The following POFUT3 variants were observed in gnomAD, a reference collection of about 807,000 sequenced individuals.
The protein encoded by POFUT3 is protein O-fucosyltransferase 3, also known as GDP-fucose protein O-fucosyltransferase 3.
chr8:33,409,328 C>A, the POFUT3 span, among the ~76,000 whole-genome samples: 1 of 152,080 alleles, frequency 6.6e-6, no homozygotes, highest in Non-Finnish European at 1.5e-5. Flanking sequence ...GTCTCGAACC[C>A]CTGACCTCAC....
the POFUT3 span, among the ~76,000 whole-genome samples, chr8:33,412,323 C>T: frequency 1.3e-5 from 2 of 152,124 alleles, no homozygotes; most frequent in Non-Finnish European, 2.9e-5. Flanking sequence ...CAGAAAAAGG[C>T]CTCCAAGACA....
chr8:33,461,447 C>T, the POFUT3 span: 10 of 1,613,672 alleles, frequency 6.2e-6, no homozygotes, highest in South Asian at 2.2e-5. Context: ...TCTGAATCCG[C>T]ACCATGCTGC....
chr8:33,444,447 G>T, the POFUT3 span, among the ~76,000 whole-genome samples: 1 of 152,050 alleles, frequency 6.6e-6, no homozygotes, highest in Non-Finnish European at 1.5e-5. Context: ...AAGGACTAGG[G>T]ACTTGAATGA....
At chr8:33,324,322 C>T in the POFUT3 span, among the ~76,000 whole-genome samples, 1 of 152,188 alleles carries the variant, frequency 6.6e-6, no homozygotes, top group Non-Finnish European at 1.5e-5. Flanking sequence ...CTCTTCCCCT[C>T]TCTGTCCTTT....
the POFUT3 span, among the ~76,000 whole-genome samples, chr8:33,459,741 T>G: frequency 6.6e-6 from 1 of 152,064 alleles, no homozygotes; most frequent in Non-Finnish European, 1.5e-5. Context: ...TTACTATCAC[T>G]GCCCAATTTT....
chr8:33,375,442 G>A, the POFUT3 span, among the ~76,000 whole-genome samples: 1 of 152,124 alleles, frequency 6.6e-6, no homozygotes. Context: ...CAGAGGCTCC[G>A]GGAGAGATCC....
chr8:33,412,840 CT>C, the POFUT3 span, among the ~76,000 whole-genome samples: 1 of 152,174 alleles, frequency 6.6e-6, no homozygotes, highest in Non-Finnish European at 1.5e-5. Context: ...TTTGGCCAGG[CT>C]GGTCTCAAAC....
chr8:33,422,143 T>A, the POFUT3 span, among the ~76,000 whole-genome samples: 382 of 152,018 alleles, frequency 2.5e-3, 9 homozygotes, highest in Admixed American at 0.024. Flanking sequence ...TAAAATCACA[T>A]ATTTCTCCCT....
the POFUT3 span, among the ~76,000 whole-genome samples, chr8:33,432,601 A>G: frequency 6.6e-6 from 1 of 152,264 alleles, no homozygotes; most frequent in East Asian, 1.9e-4. Context: ...CTAGTATTAG[A>G]GCTGGATCTC....
the POFUT3 span, among the ~76,000 whole-genome samples, chr8:33,319,401 A>T: frequency 0.088 from 2,976 of 33,644 alleles, 402 homozygotes; most frequent in East Asian, 0.4. Context: ...TTTTATATAT[A>T]GTATATATTA....
At chr8:33,431,116 C>T in the POFUT3 span, among the ~76,000 whole-genome samples, 1 of 152,094 alleles carries the variant, frequency 6.6e-6, no homozygotes, top group Non-Finnish European at 1.5e-5. Flanking sequence ...TGGATCCATG[C>T]TTTTGCTCAG....
the POFUT3 span, chr8:33,389,501 G>C: frequency 6.2e-7 from 1 of 1,614,204 alleles, no homozygotes; most frequent in South Asian, 1.1e-5. Context: ...GTCCCTGTCT[G>C]ATGGTGGGTC....
the POFUT3 span, chr8:33,472,969 G>A: frequency 6.6e-6 from 1 of 152,606 alleles, no homozygotes; most frequent in South Asian, 2.1e-4. Context: ...CAGCTTCCGT[G>A]GGACCAGAAA....
the POFUT3 span, among the ~76,000 whole-genome samples, chr8:33,431,112 C>T: frequency 6.6e-6 from 1 of 152,118 alleles, no homozygotes; most frequent in Non-Finnish European, 1.5e-5. Flanking sequence ...CTCCTGGATC[C>T]ATGCTTTTGC....
At chr8:33,429,995 CAAAAAAAA>C in the POFUT3 span, among the ~76,000 whole-genome samples, 1 of 124,774 alleles carries the variant, frequency 8.0e-6, no homozygotes. Flanking sequence ...GACTCCATCT[CAAAAAAAA>C]AAAAAAAAAG....
At chr8:33,421,860 G>C in the POFUT3 span, among the ~76,000 whole-genome samples, 2 of 152,010 alleles carry the variant, frequency 1.3e-5, no homozygotes, top group Non-Finnish European at 2.9e-5. Flanking sequence ...ACAGATTATA[G>C]AATCTAAATC....
chr8:33,461,344 A>G, the POFUT3 span: 2 of 1,582,604 alleles, frequency 1.3e-6, no homozygotes, highest in Admixed American at 3.5e-5. Flanking sequence ...CCCAGCTATC[A>G]ACACTACACA....
chr8:33,321,973 A>G, the POFUT3 span, among the ~76,000 whole-genome samples: 4 of 152,108 alleles, frequency 2.6e-5, no homozygotes, highest in Non-Finnish European at 5.9e-5. Context: ...AGTTGCTGCA[A>G]TGAGTATATG....
chr8:33,353,218 G>T, the POFUT3 span, among the ~76,000 whole-genome samples: 1 of 152,128 alleles, frequency 6.6e-6, no homozygotes, highest in Non-Finnish European at 1.5e-5. Context: ...TGCTTGCAGG[G>T]GTGTTAGACA....
Sources: gnomAD v4.1 joint callset for allele counts (sites outside exome capture counted in the v4.1 genomes callset) on GRCh38, gnomAD v4.1.1 for gene constraint, MANE v1.5 for transcripts, NCBI Gene and HGNC (gene_info 2026-07-23, HGNC 2026-07-21) for gene names.